Variants in CFAP251 observed in about 807,000 individuals in gnomAD.
The protein encoded by CFAP251 is cilia- and flagella-associated protein 251.
Under a neutral mutation model 126.7 loss-of-function variants are expected in CFAP251, and 93 were observed. The ratio of observed to expected loss-of-function variants is 0.73; its 90% CI spans 0.62 to 0.87. The LOEUF is 0.87. Ranked by LOEUF, CFAP251 falls within the 40% of genes least tolerant of loss-of-function variation. The probability of loss-of-function intolerance (pLI) is 0.00; values close to 1 mark genes in which losing one functional copy is unlikely to be tolerated. For synonymous variants in CFAP251, 503 were observed against 506.9 expected (o/e 0.99, Z 0.10); for missense variants, 1,287 against 1,389.2 (o/e 0.93, Z 1.17).
chr12:121,936,080 A>C (rs1157833532), intron 5 of CFAP251, among the ~76,000 whole-genome samples: 4 of 152,220 alleles, frequency 2.6e-5, no homozygotes, highest in Non-Finnish European at 5.9e-5. Flanking sequence ...TATGCTGAAC[A>C]GAAAGTACAG....
At chr12:121,960,104 G>C (rs1881877801) in intron 13 of CFAP251, among the ~76,000 whole-genome samples, 2 of 152,104 alleles carry the variant, frequency 1.3e-5, no homozygotes, top group Admixed American at 6.5e-5. Flanking sequence ...CTGCACTCTA[G>C]CCTGGGCAAC....
At chr12:121,948,949 T>C (rs1471304339) in intron 7 of CFAP251, 35 bp from the exon 8 acceptor site, 18 of 1,288,278 alleles carry the variant, frequency 1.4e-5, no homozygotes, top group Non-Finnish European at 2.0e-5. Flanking sequence ...AACAGAAAAT[T>C]TATCATTAAT....
intron 4 of CFAP251, 67 bp downstream of exon 4, chr12:121,931,953 G>A: frequency 1.5e-6 from 2 of 1,376,870 alleles, no homozygotes; most frequent in East Asian, 2.7e-5. Flanking sequence ...ATTTTGTTTT[G>A]TATCTCAAGG....
intron 19 of CFAP251, chr12:121,998,277 C>T (rs1199499712): frequency 2.0e-5 from 3 of 151,386 alleles, no homozygotes; most frequent in African/African-American, 4.9e-5. Flanking sequence ...GTCTCGAACT[C>T]CTGGCCTCAA....
chr12:121,938,873 C>T (rs1424953387), intron 5 of CFAP251, among the ~76,000 whole-genome samples: 1 of 151,466 alleles, frequency 6.6e-6, no homozygotes, highest in Non-Finnish European at 1.5e-5. Flanking sequence ...TCCTGTAATC[C>T]CACCTACTCA....
intron 19 of CFAP251, among the ~76,000 whole-genome samples, chr12:121,995,917 A>G (rs563915846): frequency 6.6e-6 from 1 of 152,334 alleles, no homozygotes; most frequent in East Asian, 1.9e-4. Flanking sequence ...ATGCATGTGT[A>G]TTTTATATGC....
intron 17 of CFAP251, 69 bp from the exon 18 acceptor site, chr12:121,975,175 C>A: frequency 1.5e-6 from 2 of 1,329,610 alleles, no homozygotes; most frequent in Admixed American, 1.7e-5. Flanking sequence ...CAGTGCTGTG[C>A]GGACCACCTT....
intron 3 of CFAP251, among the ~76,000 whole-genome samples, chr12:121,927,865 T>G (rs1272368450): frequency 6.6e-6 from 1 of 152,246 alleles, no homozygotes. Flanking sequence ...CTTATGAATA[T>G]CAAATACAAT....
Position 121,949,080 on chromosome 12 carries a change from AT to A in CFAP251, c.1269+22del, listed in dbSNP as rs762316488. 226 of 1,521,402 alleles carry A rather than the reference AT, an allele frequency of 1.5e-4. No individual in the cohort carries two copies. Among genetic ancestry groups the A allele is most frequent in the Non-Finnish European group, 1.9e-4 (217 of 1,116,300 alleles). The allele number at this position is 1,521,402 out of a possible 1,614,324, so 94.2% of individuals were successfully genotyped here. On this transcript the variant is annotated intron_variant, in intron 8 of 21. Coordinates refer to ENST00000288912, the MANE Select transcript of CFAP251 (RefSeq NM_144668.6). ...TGCATGGGTAAGCAGAAATATTTTG[AT>A]TTGTTTTAAATGTGGGTAGAAGTAT...
Position 121,931,753 on chromosome 12 carries a change from C to T in CFAP251, c.755C>T (p.Thr252Ile), listed in dbSNP as rs758053926. The change falls in exon 4 of 22, where the codon ACC (threonine) becomes ATC (isoleucine). Residue 252 changes from threonine (T) to isoleucine (I), a missense_variant. By Grantham distance (89) the Thr-to-Ile change is moderately conservative. Transcript: ENST00000288912. ...KSTPVYPLTM[T>I]WSFGWNSSLP... ...TTTGCCCTTGTCTTCCAGACCATGACCTGGTCGTTTGGATGGAACAGTTCT... is the reference window on the plus strand; with the variant it reads ...TTTGCCCTTGTCTTCCAGACCATGATCTGGTCGTTTGGATGGAACAGTTCT... 1 of 1,574,784 alleles carries T rather than the reference C, an allele frequency of 6.4e-7. No individual in the cohort carries two copies. Among genetic ancestry groups the T allele is most frequent in the South Asian group, 1.2e-5 (1 of 83,802 alleles).
At chr12:121,970,986 A>G (rs1284075696) in intron 17 of CFAP251, among the ~76,000 whole-genome samples, 1 of 152,108 alleles carries the variant, frequency 6.6e-6, no homozygotes, top group African/African-American at 2.4e-5. Context: ...GCCAGGAGGT[A>G]GGGGATGTAG....
chr12:121,929,764 G>A (rs765171516), intron 3 of CFAP251, among the ~76,000 whole-genome samples: 3 of 150,970 alleles, frequency 2.0e-5, no homozygotes, highest in African/African-American at 4.9e-5. Context: ...TATAACCTCC[G>A]CCTCCTGGGT....
chr12:121,998,889 C>CAAAAAAAAAAA (rs60289920), intron 19 of CFAP251: 1 of 30,596 alleles, frequency 3.3e-5, no homozygotes, highest in African/African-American at 1.0e-4. Flanking sequence ...GACCCTGTAT[C>CAAAAAAAAAAA]AAAAAAAAAA....
At chr12:121,995,742 T>G (rs1883009274) in intron 19 of CFAP251, among the ~76,000 whole-genome samples, 1 of 152,156 alleles carries the variant, frequency 6.6e-6, no homozygotes, top group Non-Finnish European at 1.5e-5. Flanking sequence ...CACCCTGGCC[T>G]CCCAAAGTGC....
chr12:121,953,969 GC>G (rs1237137970), intron 9 of CFAP251, 150 bp from the exon 10 acceptor site: 1 of 750,076 alleles, frequency 1.3e-6, no homozygotes. Flanking sequence ...CTGGACCATG[GC>G]AATTCATGGG....
intron 20 of CFAP251, among the ~76,000 whole-genome samples, chr12:122,001,181 C>T (rs1353941896): frequency 2.0e-5 from 3 of 151,448 alleles, no homozygotes; most frequent in East Asian, 1.9e-4. Flanking sequence ...CTCAGCCTCC[C>T]GAGTAGCTGG....
At position 121,951,525 on chromosome 12, in the gene CFAP251, GA is replaced by G; in HGVS notation, c.1320del (p.Thr441ProfsTer16). ...GGCTCACAGTGCCCCACTTTTAACT[GA>G]AAAAGTGAGTATGCCTATTGCATTT... Reference protein sequence around the residue: ...TLAHSAPLLTEKTFNKLVGKF... With the variant: ...TLAHSAPLLTXKTFNKLVGKF... On this transcript the variant is annotated frameshift_variant, in exon 9 of 22. Coordinates refer to ENST00000288912, the MANE Select transcript of CFAP251 (RefSeq NM_144668.6). LOFTEE classifies it high-confidence loss of function. The G allele has an allele frequency of 6.3e-7, 1 of 1,582,160 alleles. No homozygotes were observed. The highest frequency in any genetic ancestry group is 8.7e-7 in the Non-Finnish European group (1 of 1,155,586).
intron 19 of CFAP251, among the ~76,000 whole-genome samples, chr12:121,992,714 A>G (rs1429300102): frequency 1.3e-5 from 2 of 151,622 alleles, no homozygotes; most frequent in African/African-American, 4.8e-5. Flanking sequence ...AGTAGCTGGG[A>G]CTACAGGCAC....
chr12:121,937,209 G>A (rs1359510620), intron 5 of CFAP251, among the ~76,000 whole-genome samples: 1 of 152,164 alleles, frequency 6.6e-6, no homozygotes, highest in Admixed American at 6.5e-5. Flanking sequence ...TCTGTCCCAG[G>A]CCTCTCCCCT....
Sources: allele counts gnomAD v4.1 joint callset (sites outside exome capture counted in the v4.1 genomes callset), GRCh38; gene constraint gnomAD v4.1.1; transcripts MANE v1.5; gene names NCBI Gene and HGNC (gene_info 2026-07-23, HGNC 2026-07-21).